MYRFL: variants seen among roughly 807,000 people sequenced by gnomAD.
MYRFL encodes myelin regulatory factor like.
MYRFL carries 88 observed loss-of-function variants against 109.4 expected under a neutral mutation model. The observed-to-expected ratio is 0.80, with a 90% CI of 0.68 to 0.96. The LOEUF (loss-of-function observed/expected upper bound fraction) is 0.96. Ranked by LOEUF, MYRFL falls within the 40% of genes least tolerant of loss-of-function variation. The pLI, the probability that MYRFL is intolerant of heterozygous loss-of-function variation, is 0.00. For synonymous variants in MYRFL, 324 were observed against 320.9 expected (o/e 1.01, Z -0.10); for missense variants, 957 against 954.9 (o/e 1.00, Z -0.03).
At chr12:69,834,973 A>G (rs1368782666) in intron 1 of MYRFL, among the ~76,000 whole-genome samples, 4 of 152,336 alleles carry the variant, frequency 2.6e-5, no homozygotes, top group African/African-American at 9.6e-5. Context: ...GCTGAAAGAA[A>G]TATATTGTTA....
intron 13 of MYRFL, among the ~76,000 whole-genome samples, chr12:69,923,403 T>G (rs1196302251): frequency 1.3e-5 from 2 of 152,194 alleles, no homozygotes; most frequent in Non-Finnish European, 2.9e-5. Context: ...TTTTAGTTAA[T>G]GTAGCTAGAA....
At chr12:69,915,065 A>G (rs2120405526) in intron 13 of MYRFL, among the ~76,000 whole-genome samples, 1 of 152,326 alleles carries the variant, frequency 6.6e-6, no homozygotes, top group Non-Finnish European at 1.5e-5. Context: ...TGCCTACCTT[A>G]TAAAAGCCTC....
chr12:69,884,379 TAGCCATCTCCCAGGGA>T (rs1274784546), intron 5 of MYRFL, among the ~76,000 whole-genome samples: 2 of 152,218 alleles, frequency 1.3e-5, no homozygotes, highest in Non-Finnish European at 2.9e-5. Flanking sequence ...TCCCAGCTTA[TAGCCATCTCCCAGGGA>T]AGCCACAACT....
chr12:69,913,653 G>A lies in MYRFL; in HGVS notation c.1602+2723G>A, dbSNP rs187779113. 5.6e-3 allele frequency among the ~76,000 whole-genome samples: 858 copies of A among 152,184 alleles called. 5 individuals are homozygous for A. The highest frequency in any genetic ancestry group is 9.8e-3 in the Non-Finnish European group (663 of 67,992). On this transcript the variant is annotated intron_variant, in intron 13 of 24. Transcript: ENST00000552032. Reference sequence around the variant, plus strand: ...GCTGTTTATTATATTCCATTTGTCTGTATGTCTGTCTTTATGCCAGTACCA... The same window carrying A: ...GCTGTTTATTATATTCCATTTGTCTATATGTCTGTCTTTATGCCAGTACCA...
intron 13 of MYRFL, among the ~76,000 whole-genome samples, chr12:69,923,528 T>C (rs1332959581): frequency 6.6e-6 from 1 of 152,204 alleles, no homozygotes; most frequent in African/African-American, 2.4e-5. Flanking sequence ...TTTATATCTC[T>C]TTTCTTAAAT....
At chr12:69,914,437 G>C (rs771699046) in intron 13 of MYRFL, among the ~76,000 whole-genome samples, 1 of 152,220 alleles carries the variant, frequency 6.6e-6, no homozygotes, top group Non-Finnish European at 1.5e-5. Context: ...GGGGCTTATG[G>C]GGTTACCCTC....
intron 5 of MYRFL, among the ~76,000 whole-genome samples, chr12:69,881,006 A>G (rs1333382993): frequency 8.4e-6 from 1 of 119,416 alleles, no homozygotes; most frequent in Non-Finnish European, 1.6e-5. Flanking sequence ...GTTTTGAGCC[A>G]AGAGACCTGA....
rs147313631 is a variant in MYRFL, at chr12:69,938,703, A to G, written c.2224+2071A>G. ...AAGCTTATAAAATAAAGATATAGGA[A>G]TAGGAACAGCTCCGGTCTACAGCTC... On this transcript the variant is annotated intron_variant, in intron 19 of 24. Coordinates refer to ENST00000552032, the MANE Select transcript of MYRFL (RefSeq NM_182530.3). 1.8e-3 allele frequency among the ~76,000 whole-genome samples: 272 copies of G among 152,354 alleles called. 2 individuals are homozygous for G. The highest frequency in any genetic ancestry group is 6.3e-3 in the African/African-American group (260 of 41,592).
Position 69,910,919 on chromosome 12 carries a change from A to G in MYRFL, c.1591A>G (p.Met531Val), listed in dbSNP as rs1040329386. Residue 531 changes from methionine (M) to valine (V), a missense_variant, in exon 13 of 25, where the codon ATG becomes GTG. Transcript: ENST00000552032. ...GNGETLENFLMVDKDQIFMEN... is the reference protein window; with the variant it reads ...GNGETLENFLVVDKDQIFMEN... ...CGGAGAGACCTTGGAGAACTTCCTC[A>G]TGGTGGATAAGGTAATCACTGAAAA... is the stretch of plus-strand genomic sequence containing the variant. 52 of 1,533,204 alleles carry G rather than the reference A, an allele frequency of 3.4e-5. No individual in the cohort carries two copies. The Admixed American group carries it at 8.8e-4, about 26-fold the overall frequency. 95.0% of individuals were successfully genotyped at this position (1,533,204 alleles called of 1,614,324 possible).
intron 1 of MYRFL, among the ~76,000 whole-genome samples, chr12:69,842,971 G>A (rs1192139635): frequency 1.3e-5 from 2 of 152,206 alleles, no homozygotes; most frequent in East Asian, 3.9e-4. Flanking sequence ...CTAAGTAAAT[G>A]TGTAAGTAAA....
chr12:69,910,164 C>A, intron 12 of MYRFL, 87 bp downstream of exon 12: 1 of 831,544 alleles, frequency 1.2e-6, no homozygotes, highest in Non-Finnish European at 1.8e-6. Flanking sequence ...TGTGCTATGG[C>A]ATTTGACAAC....
intron 1 of MYRFL, among the ~76,000 whole-genome samples, chr12:69,830,135 A>T (rs1205374781): frequency 6.6e-6 from 1 of 152,090 alleles, no homozygotes; most frequent in South Asian, 2.1e-4. Flanking sequence ...TTCATAGAAC[A>T]TTGAAACTGT....
intron 1 of MYRFL, among the ~76,000 whole-genome samples, chr12:69,853,832 G>T (rs540595142): frequency 6.7e-6 from 1 of 149,970 alleles, no homozygotes; most frequent in African/African-American, 2.5e-5. Context: ...ACGGGATCGC[G>T]GCCGGGAAGA....
chr12:69,905,975 C>A (rs1954344974), intron 11 of MYRFL, among the ~76,000 whole-genome samples: 1 of 152,142 alleles, frequency 6.6e-6, no homozygotes, highest in South Asian at 2.1e-4. Flanking sequence ...GGATCTGACC[C>A]TTGGTCAATT....
intron 10 of MYRFL, among the ~76,000 whole-genome samples, chr12:69,898,341 A>G (rs1954071025): frequency 6.6e-6 from 1 of 152,210 alleles, no homozygotes; most frequent in Non-Finnish European, 1.5e-5. Flanking sequence ...GATAGAAATG[A>G]GGTAAAACAC....
intron 19 of MYRFL, among the ~76,000 whole-genome samples, chr12:69,944,355 T>TA (rs1329492002): frequency 7.6e-6 from 1 of 131,592 alleles, no homozygotes; most frequent in Non-Finnish European, 1.6e-5. Context: ...TATGCAGCCA[T>TA]AAAAAATGAT....
chr12:69,859,330 T>C (rs1884494566), intron 2 of MYRFL, among the ~76,000 whole-genome samples: 1 of 152,188 alleles, frequency 6.6e-6, no homozygotes, highest in Non-Finnish European at 1.5e-5. Flanking sequence ...TGTTGGATAG[T>C]ATTCTATAAA....
chr12:69,926,151 T>A (rs1156754864), intron 13 of MYRFL, among the ~76,000 whole-genome samples: 1 of 128,556 alleles, frequency 7.8e-6, no homozygotes, highest in African/African-American at 3.9e-5. Context: ...TGAGATGGAG[T>A]TTTACTCTTG....
intron 2 of MYRFL, among the ~76,000 whole-genome samples, chr12:69,860,443 C>T (rs1354769175): frequency 6.6e-6 from 1 of 152,010 alleles, no homozygotes. Flanking sequence ...TTTTGCCATC[C>T]TTTAATTGTA....
Sources: allele counts gnomAD v4.1 joint callset (sites outside exome capture counted in the v4.1 genomes callset), GRCh38; gene constraint gnomAD v4.1.1; transcripts MANE v1.5; gene names NCBI Gene and HGNC (gene_info 2026-07-23, HGNC 2026-07-21).